The following ANKRD12 variants were observed in gnomAD, a reference collection of about 807,000 sequenced individuals.
ANKRD12 encodes ankyrin repeat domain 12, also known as ankyrin repeat domain-containing protein 12.
ANKRD12 carries 85 observed loss-of-function variants against 183.4 expected under a neutral mutation model. The observed-to-expected ratio is 0.46, with a 90% CI of 0.39 to 0.56. The LOEUF is 0.56. Ranked by LOEUF, ANKRD12 falls within the 20% of genes least tolerant of loss-of-function variation. ANKRD12 has a pLI of 0.00. For missense variants in ANKRD12, 2,405 were observed against 2,357.1 expected, an observed-to-expected ratio of 1.02 and a Z score of -0.42; for synonymous variants, 914 against 800.2, an observed-to-expected ratio of 1.14 and a Z score of -2.40.
chr18:9,161,768 T>A (rs9748523), intron 1 of ANKRD12, among the ~76,000 whole-genome samples: 4 of 147,328 alleles, frequency 2.7e-5, no homozygotes, highest in Non-Finnish European at 6.0e-5. Flanking sequence ...ATATATAAAA[T>A]ATATATATAT....
intron 1 of ANKRD12, among the ~76,000 whole-genome samples, chr18:9,141,121 C>T (rs551574909): frequency 3.4e-4 from 52 of 151,902 alleles, no homozygotes; most frequent in African/African-American, 1.1e-3. Context: ...GCTATTCTAC[C>T]TTCTGGGTGG....
Position 9,255,375 on chromosome 18 carries a change from G to C in ANKRD12, c.2108G>C (p.Ser703Thr). 1.2e-6 allele frequency: 2 copies of C among 1,605,736 alleles called. No homozygotes were observed. Among genetic ancestry groups the C allele is most frequent in the Non-Finnish European group, 1.7e-6 (2 of 1,177,546 alleles). The change falls in exon 9 of 13, where the codon AGT becomes ACT. Residue 703 changes from serine (S) to threonine (T), a missense_variant. Transcript: ENST00000262126. The stretch of plus-strand genomic sequence containing the variant: ...TTTTGGAAAGAGAATTTTTTTAAAA[G>C]TGATGAAACTGAAGATCTCTTTTTA... Reference protein sequence around the residue: ...REFWKENFFKSDETEDLFLNM... With the variant: ...REFWKENFFKTDETEDLFLNM...
In ANKRD12 at chr18:9,275,665, C is replaced by G. The variant is rs2039796478; in HGVS notation, c.5905C>G (p.Gln1969Glu). 4 of 1,557,258 alleles carry G rather than the reference C, an allele frequency of 2.6e-6. No homozygotes were observed. Among genetic ancestry groups the G allele is most frequent in the Non-Finnish European group, 3.5e-6 (4 of 1,142,258 alleles). The change falls in exon 11 of 13, where the codon CAG (glutamine) becomes GAG (glutamate). Residue 1969 changes from glutamine to glutamate, a missense_variant and splice_region_variant. Around this residue, in one of 7 missense-constraint regions of ANKRD12, gnomAD observed 162 missense variants for 272.2 expected, o/e 0.60. Coordinates refer to ENST00000262126, the MANE Select transcript of ANKRD12 (RefSeq NM_015208.5). ...AGTATACAATGTACCATTGGACTCT[C>G]AGGTAAAATGTTTGTTGATACATTT... ...AEVYNVPLDS[Q>E]SDDSKTSVRD...
chr18:9,200,392 A>G (rs2035092489), intron 3 of ANKRD12: 1 of 152,228 alleles, frequency 6.6e-6, no homozygotes, highest in Non-Finnish European at 1.5e-5. Flanking sequence ...CAATGTATAC[A>G]GTGACCCATT....
chr18:9,252,289 T>C (rs1282468329), intron 8 of ANKRD12, among the ~76,000 whole-genome samples: 2 of 152,164 alleles, frequency 1.3e-5, no homozygotes, highest in African/African-American at 4.8e-5. Flanking sequence ...AATGGCATCA[T>C]GGAGGTGTAG....
intron 12 of ANKRD12, among the ~76,000 whole-genome samples, 196 bp from the exon 13 acceptor site, chr18:9,280,745 C>T (rs889509715): frequency 3.3e-5 from 5 of 151,946 alleles, no homozygotes; most frequent in Non-Finnish European, 7.4e-5. Context: ...GCCCAGAGCT[C>T]GCCACTGCAC....
At chr18:9,267,957 A>C (rs2039394324) in intron 10 of ANKRD12, among the ~76,000 whole-genome samples, 1 of 152,256 alleles carries the variant, frequency 6.6e-6, no homozygotes, top group Admixed American at 6.5e-5. Context: ...CCCATCCCAC[A>C]GAAACACAAA....
chr18:9,277,913 T>C (rs2039929594), intron 11 of ANKRD12, among the ~76,000 whole-genome samples: 1 of 152,240 alleles, frequency 6.6e-6, no homozygotes, highest in African/African-American at 2.4e-5. Flanking sequence ...GTAATTCATT[T>C]TCCCTGCCCC....
chr18:9,224,373 A>G (rs920320286), intron 8 of ANKRD12, among the ~76,000 whole-genome samples: 2 of 152,158 alleles, frequency 1.3e-5, no homozygotes, highest in African/African-American at 2.4e-5. Context: ...TACTGTTAAA[A>G]TGGTCTAATG....
At chr18:9,188,644 G>A (rs969015732) in intron 2 of ANKRD12, among the ~76,000 whole-genome samples, 1 of 152,180 alleles carries the variant, frequency 6.6e-6, no homozygotes, top group Non-Finnish European at 1.5e-5. Flanking sequence ...ACCCTGTGTT[G>A]AGCAAGTTCA....
rs1318584115 is a variant in ANKRD12 at position 9,256,835 on chromosome 18, C to T, written c.3568C>T (p.Pro1190Ser). The T allele has an allele frequency of 2.5e-6, 4 of 1,613,906 alleles. No homozygotes were observed. In the South Asian group the frequency reaches 4.4e-5, roughly 18 times the overall value. ...TTCAGATAATAGCTTAAACAGGTCTCCTAGATCAGAAAATGAAAAGCCGGG... is the reference window on the plus strand; with the variant it reads ...TTCAGATAATAGCTTAAACAGGTCTTCTAGATCAGAAAATGAAAAGCCGGG... ...FVSDNSLNRSPRSENEKPGLS... is the reference protein window; with the variant it reads ...FVSDNSLNRSSRSENEKPGLS... The change falls in exon 9 of 13, where the codon CCT (proline) becomes TCT (serine). Residue 1190 changes from proline (P) to serine (S), a missense_variant. Transcript: ENST00000262126.
At position 9,216,806 on chromosome 18, in the gene ANKRD12, C is replaced by G; in HGVS notation, c.701C>G (p.Ala234Gly). Reference sequence around the variant, plus strand: ...TGCAATGTTGGATATTACGATGTTGCTAAGATACTTATAGCAGCTGGAGCA... The same window carrying G: ...TGCAATGTTGGATATTACGATGTTGGTAAGATACTTATAGCAGCTGGAGCA... ...EACNVGYYDV[A>G]KILIAAGADV... is the part of the protein sequence containing the mutation. Residue 234 changes from alanine to glycine, a missense_variant, in exon 7 of 13, where the codon GCT becomes GGT. Transcript: ENST00000262126. 2 of 1,613,598 alleles carry G rather than the reference C, an allele frequency of 1.2e-6. No individual in the cohort carries two copies. Among genetic ancestry groups the G allele is most frequent in the Non-Finnish European group, 8.5e-7 (1 of 1,179,716 alleles).
intron 8 of ANKRD12, among the ~76,000 whole-genome samples, chr18:9,236,083 G>T (rs933016684): frequency 6.6e-6 from 1 of 152,128 alleles, no homozygotes; most frequent in Non-Finnish European, 1.5e-5. Flanking sequence ...AACAATCACG[G>T]CTTCAACTAA....
chr18:9,202,649 A>G (rs892310002), intron 3 of ANKRD12, among the ~76,000 whole-genome samples: 1 of 152,218 alleles, frequency 6.6e-6, no homozygotes, highest in Admixed American at 6.5e-5. Context: ...CAAGGAACAT[A>G]TGTGGGAGAG....
intron 1 of ANKRD12, among the ~76,000 whole-genome samples, chr18:9,165,022 G>A (rs1477916146): frequency 6.6e-6 from 1 of 152,110 alleles, no homozygotes; most frequent in Admixed American, 6.6e-5. Flanking sequence ...CTATTATTAT[G>A]TGTGAGTCTA....
At chr18:9,190,954 A>T (rs1329155402) in intron 2 of ANKRD12, among the ~76,000 whole-genome samples, 3 of 152,176 alleles carry the variant, frequency 2.0e-5, no homozygotes, top group African/African-American at 7.2e-5. Flanking sequence ...GTATGCCTTG[A>T]TATTGTTCCC....
chr18:9,248,875 CAGATTGCTGAGTTTAG>C (rs1567962930), intron 8 of ANKRD12, among the ~76,000 whole-genome samples: 1 of 152,190 alleles, frequency 6.6e-6, no homozygotes, highest in South Asian at 2.1e-4. Context: ...GGCACCTCTT[CAGATTGCTGAGTTTAG>C]AGGAAACATC....
At position 9,255,073 on chromosome 18, in the gene ANKRD12, T is replaced by A; in HGVS notation, c.1806T>A (p.His602Gln). Residue 602 changes from histidine to glutamine, a missense_variant, in exon 9 of 13, where the codon CAT (histidine) becomes CAA (glutamine). By Grantham distance (24) the His-to-Gln change is conservative. This residue lies in a region of ANKRD12 where 1,983 missense variants were observed against 1,725.9 expected (regional missense o/e 1.15). Transcript: ENST00000262126. ...PESSSVKSCKHKEKSKHQKDF... is the reference protein window; with the variant it reads ...PESSSVKSCKQKEKSKHQKDF... The stretch of plus-strand genomic sequence containing the variant: ...GTTCAAGTGTAAAATCTTGTAAGCA[T>A]AAGGAAAAAAGCAAACATCAGAAAG... 6.3e-7 allele frequency: 1 copy of A among 1,580,696 alleles called. No homozygotes were observed. Among genetic ancestry groups the A allele is most frequent in the Admixed American group, 2.0e-5 (1 of 50,646 alleles).
At chr18:9,191,704 A>G (rs185958514) in intron 2 of ANKRD12, among the ~76,000 whole-genome samples, 51 of 152,214 alleles carry the variant, frequency 3.4e-4, no homozygotes, top group African/African-American at 1.2e-3. Flanking sequence ...GAGAGACTGT[A>G]TCTTCCAGGG....
Sources: allele counts gnomAD v4.1 joint callset (sites outside exome capture counted in the v4.1 genomes callset), GRCh38; gene constraint gnomAD v4.1.1; regional missense constraint gnomAD v4.1.1; transcripts MANE v1.5; gene names NCBI Gene and HGNC (gene_info 2026-07-23, HGNC 2026-07-21).